PPP1R12B: variants seen among roughly 807,000 people sequenced by gnomAD.
PPP1R12B encodes protein phosphatase 1 regulatory subunit 12B, also known as myosin phosphatase target subunit 2.
Under a neutral mutation model 126.1 loss-of-function variants are expected in PPP1R12B, and 76 were observed. The ratio of observed to expected loss-of-function variants is 0.60; its 90% confidence interval spans 0.50 to 0.73. The LOEUF is 0.73. Among genes scored for constraint, PPP1R12B ranks in the 30% least tolerant of loss-of-function variants. The pLI, the probability that PPP1R12B is intolerant of heterozygous loss-of-function variation, is 0.00. For synonymous variants in PPP1R12B, 356 were observed against 434.7 expected (o/e 0.82, Z 2.25); for missense variants, 1,052 against 1,205.1 (o/e 0.87, Z 1.88).
chr1:202,465,386 C>T (rs971902398), intron 13 of PPP1R12B, among the ~76,000 whole-genome samples: 1 of 152,180 alleles, frequency 6.6e-6, no homozygotes, highest in Admixed American at 6.5e-5. Flanking sequence ...AGTAGAACTT[C>T]TAGGAAATGA....
At chr1:202,474,824 A>T (rs1193524576) in intron 13 of PPP1R12B, among the ~76,000 whole-genome samples, 1 of 152,194 alleles carries the variant, frequency 6.6e-6, no homozygotes, top group African/African-American at 2.4e-5. Flanking sequence ...AGTGGCAACC[A>T]TATTGGGCTG....
At chr1:202,461,684 TG>T (rs1674327054) in intron 13 of PPP1R12B, among the ~76,000 whole-genome samples, 1 of 152,200 alleles carries the variant, frequency 6.6e-6, no homozygotes, top group African/African-American at 2.4e-5. Context: ...TCACTTGTCC[TG>T]CCTCTGATGT....
intron 21 of PPP1R12B, among the ~76,000 whole-genome samples, 156 bp downstream of exon 21, chr1:202,564,703 G>A (rs1282106918): frequency 6.6e-6 from 1 of 152,104 alleles, no homozygotes; most frequent in Non-Finnish European, 1.5e-5. Flanking sequence ...ATTTATTTTA[G>A]GTTTCAATCA....
intron 18 of PPP1R12B, among the ~76,000 whole-genome samples, chr1:202,505,651 G>A (rs1460883960): frequency 6.6e-6 from 1 of 152,088 alleles, no homozygotes; most frequent in African/African-American, 2.4e-5. Context: ...ATTGCGCTGT[G>A]GAGTTAGAAC....
At chr1:202,553,436 GT>G (rs1686525621) in intron 18 of PPP1R12B, among the ~76,000 whole-genome samples, 1 of 152,274 alleles carries the variant, frequency 6.6e-6, no homozygotes, top group Non-Finnish European at 1.5e-5. Flanking sequence ...ACTTAGAGAA[GT>G]TCTAAGACTT....
chr1:202,438,679 G>A (rs1044043997), intron 10 of PPP1R12B: 5 of 588,750 alleles, frequency 8.5e-6, no homozygotes, highest in South Asian at 1.7e-5. Context: ...TCCCAGGGCC[G>A]CCGGGTTCAA....
intron 1 of PPP1R12B, among the ~76,000 whole-genome samples, chr1:202,387,217 A>C (rs1663291688): frequency 6.6e-6 from 1 of 152,200 alleles, no homozygotes; most frequent in East Asian, 1.9e-4. Context: ...ATTCAGCCTT[A>C]AGTTGGCATA....
chr1:202,434,269 T>A (rs941938728), intron 8 of PPP1R12B, among the ~76,000 whole-genome samples: 2 of 152,224 alleles, frequency 1.3e-5, no homozygotes, highest in Non-Finnish European at 2.9e-5. Context: ...ATCTGGACTT[T>A]GATCTGGGAC....
rs560159840 is a variant in PPP1R12B, at chr1:202,448,590, T to C, written c.1668-399T>C. 11 of 176,006 alleles carry C rather than the reference T, an allele frequency of 6.2e-5. No homozygotes were observed. In the South Asian group the frequency reaches 9.4e-4, roughly 15 times the overall value. The allele number at this position is 176,006 out of a possible 1,614,324, so 10.9% of individuals were successfully genotyped here. On this transcript the variant is annotated intron_variant, in intron 12 of 23. Coordinates refer to ENST00000608999, the MANE Select transcript of PPP1R12B (RefSeq NM_002481.4). ...TTAAGGAACAGGTGGAGACTAATAT[T>C]GTAAGTGACTTTAATGTCTTTTTCT...
chr1:202,350,651 C>T (rs1466412799), intron 1 of PPP1R12B, among the ~76,000 whole-genome samples: 6 of 150,030 alleles, frequency 4.0e-5, no homozygotes, highest in South Asian at 2.1e-4. Context: ...TTCAGAGTCT[C>T]GCTCTGTTGC....
intron 18 of PPP1R12B, among the ~76,000 whole-genome samples, chr1:202,524,932 C>T (rs532879934): frequency 1.7e-4 from 26 of 152,182 alleles, no homozygotes; most frequent in African/African-American, 3.1e-4. Flanking sequence ...GGTTGGAGTG[C>T]GGTGACGCGA....
At chr1:202,358,599 T>C (rs1657556972) in intron 1 of PPP1R12B, among the ~76,000 whole-genome samples, 2 of 151,874 alleles carry the variant, frequency 1.3e-5, no homozygotes, top group Non-Finnish European at 2.9e-5. Flanking sequence ...GGAGAATCAC[T>C]TGAACCCGGG....
chr1:202,540,249 G>A (rs757075006), intron 18 of PPP1R12B: 3 of 1,568,776 alleles, frequency 1.9e-6, no homozygotes, highest in Non-Finnish European at 2.6e-6. Flanking sequence ...CGAGTAAGCA[G>A]CATTTTTTAT....
intron 1 of PPP1R12B, among the ~76,000 whole-genome samples, chr1:202,413,588 C>T (rs1013590200): frequency 4.6e-5 from 7 of 152,018 alleles, no homozygotes; most frequent in Admixed American, 1.3e-4. Context: ...TTAACCAGGA[C>T]TTTGTTTGTA....
chr1:202,529,370 G>A (rs1168118750), intron 18 of PPP1R12B, among the ~76,000 whole-genome samples: 1 of 151,020 alleles, frequency 6.6e-6, no homozygotes, highest in African/African-American at 2.4e-5. Context: ...CAGATGAAGA[G>A]AGCAGCCTTT....
intron 19 of PPP1R12B, 147 bp downstream of exon 19, chr1:202,559,040 C>A: frequency 1.2e-6 from 1 of 818,594 alleles, no homozygotes; most frequent in Non-Finnish European, 1.9e-6. Flanking sequence ...ATAATTCAGA[C>A]TTTTATTACC....
intron 13 of PPP1R12B, among the ~76,000 whole-genome samples, chr1:202,470,104 A>G (rs1675633187): frequency 6.6e-6 from 1 of 152,254 alleles, no homozygotes; most frequent in South Asian, 2.1e-4. Context: ...TGGTGAGAGT[A>G]GACGAGTCTG....
At chr1:202,564,969 T>A (rs1687924556) in intron 21 of PPP1R12B, among the ~76,000 whole-genome samples, 2 of 152,128 alleles carry the variant, frequency 1.3e-5, no homozygotes, top group African/African-American at 4.8e-5. Flanking sequence ...AAATTAAGCC[T>A]AGAGAAGTAA....
intron 2 of PPP1R12B, among the ~76,000 whole-genome samples, chr1:202,418,699 C>T (rs933141283): frequency 8.5e-5 from 13 of 152,090 alleles, no homozygotes; most frequent in Middle Eastern, 3.4e-3. Context: ...GGTGGGGTGG[C>T]GGTGAGATGG....
Sources: allele counts gnomAD v4.1 joint callset (sites outside exome capture counted in the v4.1 genomes callset), GRCh38; gene constraint gnomAD v4.1.1; transcripts MANE v1.5; gene names NCBI Gene and HGNC (gene_info 2026-07-23, HGNC 2026-07-21).